The following JHY variants were observed in gnomAD, a reference collection of about 807,000 sequenced individuals.
JHY encodes the protein jhy protein homolog.
Under a neutral mutation model 78.0 loss-of-function variants are expected in JHY, and 69 were observed. The observed-to-expected ratio is 0.88, with a 90% CI of 0.73 to 1.08. The LOEUF (loss-of-function observed/expected upper bound fraction) is 1.08, where lower values mean the gene tolerates loss of function less well. Among genes scored for constraint, JHY ranks in the 50% least tolerant of loss-of-function variants. JHY has a pLI of 0.00. For synonymous variants in JHY, 368 were observed against 342.6 expected, an observed-to-expected ratio of 1.07 and a Z score of -0.82; for missense variants, 944 against 927.8, an observed-to-expected ratio of 1.02 and a Z score of -0.23.
intron 3 of JHY, among the ~76,000 whole-genome samples, chr11:122,919,114 A>T (rs1487316895): frequency 6.6e-6 from 1 of 151,834 alleles, no homozygotes; most frequent in African/African-American, 2.4e-5. Flanking sequence ...GCACTTTGGA[A>T]GGCTCAGGTG....
chr11:122,929,185 C>T (rs1863582839), intron 4 of JHY, among the ~76,000 whole-genome samples: 1 of 151,828 alleles, frequency 6.6e-6, no homozygotes, highest in Admixed American at 6.6e-5. Flanking sequence ...CCTTGGCCTC[C>T]CAAAGTGCTG....
chr11:122,920,825 C>T (rs1286397556), intron 3 of JHY, among the ~76,000 whole-genome samples: 2 of 152,294 alleles, frequency 1.3e-5, no homozygotes, highest in South Asian at 2.1e-4. Flanking sequence ...AATTCGAGAA[C>T]CACAAGCCTT....
chr11:122,950,950 T>C (rs965347791), intron 6 of JHY, among the ~76,000 whole-genome samples: 2 of 152,216 alleles, frequency 1.3e-5, no homozygotes, highest in African/African-American at 4.8e-5. Flanking sequence ...ATCCAGCACT[T>C]TCAGCTTACA....
At chr11:122,958,907 T>G in intron 8 of JHY, 1 of 985,132 alleles carries the variant, frequency 1.0e-6, no homozygotes, top group Non-Finnish European at 1.2e-6. Flanking sequence ...ATCTCCTTAA[T>G]AGAAGTTTGG....
chr11:122,943,960 C>T (rs1863919253), intron 5 of JHY, among the ~76,000 whole-genome samples: 1 of 152,142 alleles, frequency 6.6e-6, no homozygotes, highest in South Asian at 2.1e-4. Flanking sequence ...AATAACAGCA[C>T]TTTGGGAGGC....
Position 122,904,305 on chromosome 11 carries a change from G to A in JHY, c.725G>A (p.Gly242Glu), listed in dbSNP as rs1394938109. The A allele has an allele frequency of 1.2e-6, 2 of 1,614,136 alleles. No individual in the cohort carries two copies. The highest frequency in any genetic ancestry group is 1.1e-5 in the South Asian group (1 of 91,080). The change falls in exon 3 of 9, where the codon GGA (glycine) becomes GAA (glutamate). Residue 242 changes from glycine to glutamate, a missense_variant. Coordinates refer to ENST00000227349, the MANE Select transcript of JHY (RefSeq NM_024806.4). ...SSSHNEVFLP[G>E]SRGPRRRKSK... ...TCACATAACGAGGTTTTCCTGCCGG[G>A]ATCACGTGGCCCTCGGCGAAGGAAA...
intron 5 of JHY, among the ~76,000 whole-genome samples, chr11:122,943,173 C>A (rs1863907781): frequency 6.6e-6 from 1 of 152,260 alleles, no homozygotes. Flanking sequence ...CCTCGCTCAG[C>A]TAGTTCTAAG....
At chr11:122,886,582 C>CT (rs940042991) in intron 2 of JHY, among the ~76,000 whole-genome samples, 10 of 151,776 alleles carry the variant, frequency 6.6e-5, no homozygotes, top group South Asian at 2.1e-4. Flanking sequence ...TCACTTAACT[C>CT]TTTTTTTTAT....
In JHY at chr11:122,931,022, G is replaced by A. The variant is rs75227544; in HGVS notation, c.979-3398G>A. The stretch of plus-strand genomic sequence containing the variant: ...TCACTGTGTCCTCACACAATGGAGG[G>A]GGGGAATGAGCTTCCTTGAGCCTAT... On this transcript the variant is annotated intron_variant, in intron 4 of 8. Coordinates refer to ENST00000227349, the MANE Select transcript of JHY (RefSeq NM_024806.4). 1.7e-3 allele frequency among the ~76,000 whole-genome samples: 254 copies of A among 152,250 alleles called. 1 individual carries two copies. The highest frequency in any genetic ancestry group is 3.3e-3 in the Non-Finnish European group (223 of 68,026).
rs1862489229 is a variant in JHY, at chr11:122,886,056, G to A, written c.207G>A (p.Met69Ile). 1 of 1,614,158 alleles carries A rather than the reference G, an allele frequency of 6.2e-7. No individual in the cohort carries two copies. Among genetic ancestry groups the A allele is most frequent in the East Asian group, 2.2e-5 (1 of 44,876 alleles). The change falls in exon 2 of 9, where the codon ATG becomes ATA. Residue 69 changes from methionine (M) to isoleucine (I), a missense_variant. Coordinates refer to ENST00000227349, the MANE Select transcript of JHY (RefSeq NM_024806.4). ...ATGATCGAATCCGGGGCAACGGTAT[G>A]GAGCCCGACAGCTTAGACGAGGAGG... ...EFDDRIRGNG[M>I]EPDSLDEEES...
chr11:122,956,156 CAA>C (rs371179969), intron 6 of JHY, among the ~76,000 whole-genome samples: 18 of 144,988 alleles, frequency 1.2e-4, no homozygotes, highest in Non-Finnish European at 1.1e-4. Context: ...CAGGTATCTC[CAA>C]AAAAAAAAAA....
intron 4 of JHY, among the ~76,000 whole-genome samples, chr11:122,931,496 A>G (rs1381135726): frequency 2.0e-5 from 3 of 152,216 alleles, no homozygotes; most frequent in Non-Finnish European, 2.9e-5. Context: ...TTACCCACAG[A>G]GAAAATCAGA....
At chr11:122,956,076 T>C (rs1376912989) in intron 6 of JHY, among the ~76,000 whole-genome samples, 1 of 151,492 alleles carries the variant, frequency 6.6e-6, no homozygotes, top group Non-Finnish European at 1.5e-5. Context: ...GAGGCTGAGG[T>C]GGGAGGATCA....
chr11:122,952,953 T>C lies in JHY; in HGVS notation c.1930-3543T>C, dbSNP rs941325127. Among the ~76,000 whole-genome samples the C allele has an allele frequency of 2.0e-5, 3 of 152,230 alleles. No individual in the cohort carries two copies. In the East Asian group the frequency reaches 5.8e-4, roughly 29 times the overall value. On this transcript the variant is annotated intron_variant, in intron 6 of 8. Coordinates refer to ENST00000227349, the MANE Select transcript of JHY (RefSeq NM_024806.4). ...GTGAAATATAAGTTGTCTGAGTTCA[T>C]TCACCTATTGAAAATTGGTAAAGGT...
At chr11:122,923,877 T>G (rs1469521102) in intron 3 of JHY, among the ~76,000 whole-genome samples, 4 of 144,732 alleles carry the variant, frequency 2.8e-5, no homozygotes, top group African/African-American at 1.0e-4. Context: ...TCACCACGCC[T>G]GGCTAATTTT....
In JHY at chr11:122,934,902, C is replaced by T. The variant is rs754895855; in HGVS notation, c.1461C>T (p.Thr487=). The T allele has an allele frequency of 1.3e-5, 21 of 1,614,108 alleles. No homozygotes were observed. The highest frequency in any genetic ancestry group is 1.8e-5 in the Non-Finnish European group (21 of 1,180,014). The change falls in exon 5 of 9, where the codon ACC becomes ACT. Residue 487 remains threonine, a synonymous_variant. Coordinates refer to ENST00000227349, the MANE Select transcript of JHY (RefSeq NM_024806.4). ...EKRFSYQQLH[T]LSDMDLNNLN... ...GATTTTCATATCAGCAGCTACACAC[C>T]CTTTCTGACATGGATTTGAACAACC...
At chr11:122,956,699 C>T (rs1336324303) in intron 7 of JHY, 123 bp downstream of exon 7, 2 of 666,696 alleles carry the variant, frequency 3.0e-6, no homozygotes, top group East Asian at 2.9e-5. Context: ...GAATAGAGAC[C>T]TTCTGAAATA....
chr11:122,933,039 GTAT>G (rs1436927587), intron 4 of JHY, among the ~76,000 whole-genome samples: 2 of 152,114 alleles, frequency 1.3e-5, no homozygotes, highest in African/African-American at 4.8e-5. Context: ...GTAACATTGT[GTAT>G]TACTGTTTTA....
intron 3 of JHY, among the ~76,000 whole-genome samples, chr11:122,915,484 A>G (rs1445707688): frequency 6.6e-6 from 1 of 152,096 alleles, no homozygotes; most frequent in Non-Finnish European, 1.5e-5. Flanking sequence ...CATTCTTTAA[A>G]ATGAAAAAGG....
Sources: gnomAD v4.1 joint callset for allele counts (sites outside exome capture counted in the v4.1 genomes callset) on GRCh38, gnomAD v4.1.1 for gene constraint, MANE v1.5 for transcripts, NCBI Gene and HGNC (gene_info 2026-07-23, HGNC 2026-07-21) for gene names.